The following IPO11 variants were observed in gnomAD, a reference collection of about 807,000 sequenced individuals.
The protein encoded by IPO11 is importin 11.
Under a neutral mutation model 143.2 loss-of-function variants are expected in IPO11, and 66 were observed. That is an observed-to-expected ratio of 0.46 (90% CI 0.38 to 0.57). IPO11 has a LOEUF of 0.57. Among genes scored for constraint, IPO11 ranks in the 20% least tolerant of loss-of-function variants. The pLI, the probability that IPO11 is intolerant of heterozygous loss-of-function variation, is 0.00. For synonymous variants in IPO11, 385 were observed against 377.8 expected (o/e 1.02, Z -0.22); for missense variants, 1,026 against 1,141.0 (o/e 0.90, Z 1.45).
chr5:62,425,142 C>T (rs1012771815), intron 1 of IPO11, among the ~76,000 whole-genome samples: 1 of 152,164 alleles, frequency 6.6e-6, no homozygotes, highest in Non-Finnish European at 1.5e-5. Context: ...ATTCTTTGCT[C>T]TATCCTCCTA....
chr5:62,533,618 C>A (rs1048269528), intron 22 of IPO11, among the ~76,000 whole-genome samples: 1 of 152,120 alleles, frequency 6.6e-6, no homozygotes, highest in African/African-American at 2.4e-5. Flanking sequence ...ATGTTAAATT[C>A]TCTTATTAGA....
intron 28 of IPO11, among the ~76,000 whole-genome samples, chr5:62,595,512 T>G (rs1043130758): frequency 6.6e-6 from 1 of 152,320 alleles, no homozygotes; most frequent in Non-Finnish European, 1.5e-5. Flanking sequence ...TAAACAACAT[T>G]CTGTGTGGAA....
intron 28 of IPO11, among the ~76,000 whole-genome samples, chr5:62,598,888 T>G (rs183214652): frequency 3.9e-5 from 6 of 151,956 alleles, no homozygotes; most frequent in Admixed American, 3.9e-4. Flanking sequence ...GTCAGTTACA[T>G]AGCCATAAAA....
chr5:62,598,217 G>A, intron 28 of IPO11, among the ~76,000 whole-genome samples: 1 of 151,816 alleles, frequency 6.6e-6, no homozygotes, highest in African/African-American at 2.4e-5. Context: ...GGCACTGGGG[G>A]GCTGGGATCA....
intron 29 of IPO11, among the ~76,000 whole-genome samples, chr5:62,624,809 C>T (rs1213883533): frequency 6.6e-6 from 1 of 151,834 alleles, no homozygotes; most frequent in East Asian, 1.9e-4. Context: ...AGGGTGAAAC[C>T]CCGTCTCTAC....
intron 6 of IPO11, among the ~76,000 whole-genome samples, chr5:62,469,825 T>G (rs1745704773): frequency 6.6e-6 from 1 of 152,206 alleles, no homozygotes; most frequent in East Asian, 1.9e-4. Flanking sequence ...GAAATAGGGT[T>G]TAATTTTTAT....
chr5:62,469,499 A>T (rs189037329), intron 6 of IPO11, among the ~76,000 whole-genome samples: 46 of 152,286 alleles, frequency 3.0e-4, no homozygotes, highest in African/African-American at 1.1e-3. Context: ...AGCAATCCTT[A>T]TTTAATGAAC....
At chr5:62,568,664 T>C (rs1277404328) in intron 27 of IPO11, among the ~76,000 whole-genome samples, 1 of 151,848 alleles carries the variant, frequency 6.6e-6, no homozygotes, top group Non-Finnish European at 1.5e-5. Flanking sequence ...TCGAAATTTG[T>C]TGAGCTTCCT....
chr5:62,601,295 T>G (rs1745497356), intron 28 of IPO11: 1 of 152,636 alleles, frequency 6.6e-6, no homozygotes, highest in Non-Finnish European at 1.5e-5. Flanking sequence ...GACAAGTTCC[T>G]CATAGCACAG....
At chr5:62,451,453 T>C (rs1446384518) in intron 4 of IPO11, among the ~76,000 whole-genome samples, 1 of 152,216 alleles carries the variant, frequency 6.6e-6, no homozygotes, top group Non-Finnish European at 1.5e-5. Context: ...ATCTGCTTCT[T>C]CATTTACTCT....
chr5:62,609,721 T>C (rs978607449), intron 29 of IPO11, among the ~76,000 whole-genome samples: 6 of 152,188 alleles, frequency 3.9e-5, no homozygotes, highest in Admixed American at 2.6e-4. Flanking sequence ...TCTTCCTGGT[T>C]TGAGTTTATG....
At chr5:62,549,414 A>G (rs1293856419) in intron 24 of IPO11, among the ~76,000 whole-genome samples, 2 of 152,180 alleles carry the variant, frequency 1.3e-5, no homozygotes, top group East Asian at 3.8e-4. Context: ...CACTATTGGC[A>G]CACAGTAAGC....
chr5:62,549,009 T>G (rs1034159019), intron 24 of IPO11, among the ~76,000 whole-genome samples: 34 of 152,190 alleles, frequency 2.2e-4, no homozygotes, highest in African/African-American at 7.7e-4. Context: ...TCTGGTGATA[T>G]CTGCCTCTGT....
chr5:62,592,790 C>T (rs764324577), intron 28 of IPO11, among the ~76,000 whole-genome samples: 8 of 152,044 alleles, frequency 5.3e-5, no homozygotes, highest in Non-Finnish European at 1.0e-4. Flanking sequence ...CATCTGATCT[C>T]GTGGGAGCTC....
At position 62,551,265 on chromosome 5, in the gene IPO11, C is replaced by G. The variant is rs1368503872; in HGVS notation, c.2389C>G (p.Arg797Gly). The change falls in exon 26 of 30, where the codon CGA (arginine) becomes GGA (glycine). Residue 797 changes from arginine to glycine, a missense_variant. Arg to Gly is a moderately radical substitution (Grantham distance 125). This residue lies in a region of IPO11 where 351 missense variants were observed against 358.9 expected (regional missense o/e 0.98). Transcript: ENST00000325324. The stretch of plus-strand genomic sequence containing the variant: ...GTCCACGTATCTTGGAGTTATGGGT[C>G]GAGTTCTACTACAAAACACTAGTTT... ...VMSTYLGVMG[R>G]VLLQNTSFFS... The G allele has an allele frequency of 1.2e-6, 2 of 1,610,066 alleles. No individual in the cohort carries two copies. Among genetic ancestry groups the G allele is most frequent in the Non-Finnish European group, 1.7e-6 (2 of 1,177,636 alleles).
chr5:62,464,985 ATT>A (rs1313543389), intron 5 of IPO11, among the ~76,000 whole-genome samples: 9 of 152,182 alleles, frequency 5.9e-5, no homozygotes, highest in Non-Finnish European at 1.3e-4. Flanking sequence ...TTTTGGTCTT[ATT>A]TGAAATTTGG....
At chr5:62,499,356 C>A (rs531995484) in intron 16 of IPO11, among the ~76,000 whole-genome samples, 64 of 152,240 alleles carry the variant, frequency 4.2e-4, no homozygotes, top group African/African-American at 1.4e-3. Flanking sequence ...AGATAAAAAA[C>A]GTTACACCTC....
intron 27 of IPO11, among the ~76,000 whole-genome samples, chr5:62,569,129 T>C (rs899715717): frequency 6.0e-5 from 9 of 151,142 alleles, no homozygotes; most frequent in African/African-American, 2.2e-4. Context: ...TGTGATTTAT[T>C]GTGGGTGGCG....
Position 62,615,445 on chromosome 5 carries a change from G to A in IPO11, c.2764-11709G>A, listed in dbSNP as rs548216324. ...ATCATTCAAGAAGTATTTATTAGGT[G>A]CATACCATGTGCCAAAATAGTAGAT... On this transcript the variant is annotated intron_variant, in intron 29 of 29. Transcript: ENST00000325324. 2.6e-4 allele frequency among the ~76,000 whole-genome samples: 39 copies of A among 152,300 alleles called. 1 individual carries two copies. The highest frequency in any genetic ancestry group is 8.9e-4 in the African/African-American group (37 of 41,556).
Sources: allele counts gnomAD v4.1 joint callset (sites outside exome capture counted in the v4.1 genomes callset), GRCh38; gene constraint gnomAD v4.1.1; regional missense constraint gnomAD v4.1.1; transcripts MANE v1.5; gene names NCBI Gene and HGNC (gene_info 2026-07-23, HGNC 2026-07-21).